The following TENM3 variants were observed in gnomAD, a reference collection of about 807,000 sequenced individuals.
TENM3 encodes teneurin transmembrane protein 3, also known as teneurin-3.
In TENM3, 63 loss-of-function variants were observed where a neutral mutation model predicts 255.1. That is an observed-to-expected ratio of 0.25 (90% CI 0.20 to 0.30). The LOEUF (loss-of-function observed/expected upper bound fraction) is 0.30, where lower values mean the gene tolerates loss of function less well. TENM3 is among the 10% of genes least tolerant of loss of function. The pLI is 1.00. For synonymous variants in TENM3, 1,306 were observed against 1,322.3 expected (o/e 0.99, Z 0.27); for missense variants, 2,929 against 3,461.1 (o/e 0.85, Z 3.86).
the TENM3 span, among the ~76,000 whole-genome samples, chr4:181,471,205 A>C: frequency 6.6e-6 from 1 of 152,154 alleles, no homozygotes; most frequent in African/African-American, 2.4e-5. Flanking sequence ...AAAAGAGGGG[A>C]AAAGTAGAGT....
At chr4:182,008,716 C>T in the TENM3 span, among the ~76,000 whole-genome samples, 8,041 of 152,062 alleles carry the variant, frequency 0.053, 583 homozygotes, top group East Asian at 0.29. Context: ...CTTCTGAAGC[C>T]TACTTCTGTC....
intron 24 of TENM3, among the ~76,000 whole-genome samples, chr4:182,781,246 A>G (rs1765143053): frequency 2.0e-5 from 3 of 149,564 alleles, no homozygotes; most frequent in South Asian, 2.2e-4. Context: ...TACCTAATTT[A>G]TTGAGAGTTT....
chr4:182,444,532 G>C (rs568382985), intron 3 of TENM3, among the ~76,000 whole-genome samples: 17 of 152,218 alleles, frequency 1.1e-4, no homozygotes, highest in African/African-American at 3.6e-4. Context: ...CCTAATTCCG[G>C]TGTTTAGGAA....
intron 3 of TENM3, among the ~76,000 whole-genome samples, chr4:182,501,090 A>G (rs1362655923): frequency 3.3e-5 from 5 of 152,192 alleles, no homozygotes; most frequent in Non-Finnish European, 5.9e-5. Context: ...AAAGCCACAC[A>G]GCATTGGTCA....
chr4:182,335,811 A>G (rs545785225), intron 2 of TENM3, among the ~76,000 whole-genome samples: 1 of 152,338 alleles, frequency 6.6e-6, no homozygotes, highest in South Asian at 2.1e-4. Flanking sequence ...TCTATAATAT[A>G]CTGAATGACT....
chr4:182,316,932 T>A (rs1762783297), intron 1 of TENM3, among the ~76,000 whole-genome samples: 1 of 152,212 alleles, frequency 6.6e-6, no homozygotes, highest in South Asian at 2.1e-4. Flanking sequence ...TAAGCAGGTG[T>A]GATCCATGGC....
chr4:182,482,381 C>T (rs373564041), intron 3 of TENM3, among the ~76,000 whole-genome samples: 2 of 152,136 alleles, frequency 1.3e-5, no homozygotes, highest in East Asian at 3.9e-4. Context: ...ATAATACATA[C>T]ATTGATTTTA....
the TENM3 span, among the ~76,000 whole-genome samples, chr4:181,682,512 G>A: frequency 6.6e-6 from 1 of 152,118 alleles, no homozygotes; most frequent in South Asian, 2.1e-4. Flanking sequence ...CCTGAACATG[G>A]CCTCTTTTAT....
At chr4:182,756,881 A>G (rs1317844138) in intron 22 of TENM3, among the ~76,000 whole-genome samples, 2 of 152,190 alleles carry the variant, frequency 1.3e-5, no homozygotes, top group African/African-American at 2.4e-5. Context: ...GAAAGGAATA[A>G]ATTGGAAGTT....
the TENM3 span, among the ~76,000 whole-genome samples, chr4:181,576,115 C>T: frequency 6.6e-6 from 1 of 152,118 alleles, no homozygotes; most frequent in East Asian, 1.9e-4. Flanking sequence ...CTACCCCTAC[C>T]CTTCCTAGTC....
chr4:181,691,363 T>C, the TENM3 span, among the ~76,000 whole-genome samples: 6 of 151,698 alleles, frequency 4.0e-5, no homozygotes, highest in East Asian at 1.9e-4. Context: ...ATACTTATTA[T>C]ACACACACAC....
intron 1 of TENM3, among the ~76,000 whole-genome samples, chr4:182,205,475 T>G (rs1011548692): frequency 6.6e-6 from 1 of 152,222 alleles, no homozygotes; most frequent in African/African-American, 2.4e-5. Context: ...CCTTGGAGCC[T>G]GGCTCTTGAT....
the TENM3 span, among the ~76,000 whole-genome samples, chr4:181,953,950 T>C: frequency 1.3e-4 from 20 of 152,246 alleles, no homozygotes; most frequent in East Asian, 3.9e-3. Flanking sequence ...CCTACACATC[T>C]GTCCTCCCCA....
chr4:182,014,006 GTA>G, the TENM3 span, among the ~76,000 whole-genome samples: 2 of 61,910 alleles, frequency 3.2e-5, no homozygotes, highest in African/African-American at 7.6e-5. Context: ...ACATATATAC[GTA>G]TATATACGTG....
chr4:182,262,435 T>C (rs1217726655), intron 1 of TENM3, among the ~76,000 whole-genome samples: 2 of 152,006 alleles, frequency 1.3e-5, no homozygotes, highest in Non-Finnish European at 2.9e-5. Context: ...ACCTTACTGA[T>C]AAAACAGGTT....
the TENM3 span, among the ~76,000 whole-genome samples, chr4:181,481,986 G>A: frequency 6.6e-6 from 1 of 152,076 alleles, no homozygotes; most frequent in African/African-American, 2.4e-5. Context: ...AGTCATCAGA[G>A]CTACTTCAAT....
At chr4:181,954,465 T>C in the TENM3 span, among the ~76,000 whole-genome samples, 3 of 152,232 alleles carry the variant, frequency 2.0e-5, no homozygotes, top group Admixed American at 6.5e-5. Context: ...TTAGCCATTC[T>C]AATGAGTGTG....
At chr4:182,438,784 G>A (rs1264563533) in intron 3 of TENM3, among the ~76,000 whole-genome samples, 2 of 152,152 alleles carry the variant, frequency 1.3e-5, no homozygotes, top group Admixed American at 6.5e-5. Context: ...GTAATATTAT[G>A]AAATTAATTC....
At chr4:181,523,771 TCTC>T in the TENM3 span, among the ~76,000 whole-genome samples, 1 of 152,222 alleles carries the variant, frequency 6.6e-6, no homozygotes, top group Admixed American at 6.5e-5. Flanking sequence ...TTCAGACAGG[TCTC>T]CTATGCGCCA....
Sources: allele counts gnomAD v4.1 joint callset (sites outside exome capture counted in the v4.1 genomes callset), GRCh38; gene constraint gnomAD v4.1.1; transcripts MANE v1.5; gene names NCBI Gene and HGNC (gene_info 2026-07-23, HGNC 2026-07-21).